The following DAG1 variants were observed in gnomAD, a reference collection of about 807,000 sequenced individuals.
DAG1 encodes the protein dystroglycan 1 (dystrophin-associated glycoprotein 1).
DAG1 carries 8 observed loss-of-function variants against 46.1 expected under a neutral mutation model. That is an observed-to-expected ratio of 0.17 (90% CI 0.10 to 0.31). DAG1 has a LOEUF of 0.31. Ranked by LOEUF, DAG1 falls within the 10% of genes least tolerant of loss-of-function variation. The probability of loss-of-function intolerance (pLI) is 1.00; values close to 1 mark genes in which losing one functional copy is unlikely to be tolerated. For missense variants in DAG1, 1,003 were observed against 1,189.9 expected, an observed-to-expected ratio of 0.84 and a Z score of 2.31; for synonymous variants, 495 against 481.8, an observed-to-expected ratio of 1.03 and a Z score of -0.36.
Position 49,533,388 on chromosome 3 carries a change from A to G in DAG1, c.*189A>G, listed in dbSNP as rs1460186887. On this transcript the variant is annotated 3_prime_UTR_variant, in exon 3 of 3. Transcript: ENST00000308775. ...CCCAAACCCCAAAGCAGCTGGAGAG[A>G]CTTTGGGGACTTTTTTATTTTTATT... 1.2e-6 allele frequency: 1 copy of G among 836,558 alleles called. No individual in the cohort carries two copies. The highest frequency in any genetic ancestry group is 1.4e-5 in the South Asian group (1 of 69,520). 51.8% of individuals were successfully genotyped at this position (836,558 alleles called of 1,614,324 possible).
intron 1 of DAG1, among the ~76,000 whole-genome samples, chr3:49,500,784 T>G (rs1263641654): frequency 6.6e-6 from 1 of 152,208 alleles, no homozygotes; most frequent in East Asian, 1.9e-4. Context: ...TCCCACAAGT[T>G]CTGGCCACCA....
chr3:49,486,260 C>T (rs1376267929), intron 1 of DAG1, among the ~76,000 whole-genome samples: 3 of 151,220 alleles, frequency 2.0e-5, no homozygotes, highest in Non-Finnish European at 4.4e-5. Context: ...GCTCTGTCGC[C>T]CAGACTGGAG....
chr3:49,486,186 TTTTATTTATTTATTTA>T (rs34143078), intron 1 of DAG1, among the ~76,000 whole-genome samples: 6,547 of 145,174 alleles, frequency 0.045, 443 homozygotes, highest in African/African-American at 0.15. Context: ...TTTCTTTTTC[TTTTATTTATTTATTTA>T]TTTATTTATT....
At chr3:49,527,381 G>A (rs975742653) in intron 2 of DAG1, among the ~76,000 whole-genome samples, 1 of 152,064 alleles carries the variant, frequency 6.6e-6, no homozygotes, top group East Asian at 1.9e-4. Flanking sequence ...AAAATTAGCC[G>A]GGCACGGTGG....
intron 1 of DAG1, among the ~76,000 whole-genome samples, chr3:49,490,109 T>A (rs534208358): frequency 1.1e-4 from 16 of 152,166 alleles, no homozygotes; most frequent in Non-Finnish European, 2.2e-4. Context: ...ATCCCAGCAC[T>A]TTGGGAGGCC....
At chr3:49,486,359 T>C (rs1423156153) in intron 1 of DAG1, among the ~76,000 whole-genome samples, 1 of 148,846 alleles carries the variant, frequency 6.7e-6, no homozygotes, top group Non-Finnish European at 1.5e-5. Context: ...GCTGGGACTA[T>C]AGGCGCATGC....
At chr3:49,473,290 C>G (rs1293696882) in intron 1 of DAG1, among the ~76,000 whole-genome samples, 1 of 151,552 alleles carries the variant, frequency 6.6e-6, no homozygotes, top group African/African-American at 2.4e-5. Flanking sequence ...TGGCGGGCGC[C>G]TGTAGTCCCA....
At chr3:49,491,934 T>C (rs1451211622) in intron 1 of DAG1, among the ~76,000 whole-genome samples, 3 of 151,148 alleles carry the variant, frequency 2.0e-5, no homozygotes, top group Admixed American at 1.3e-4. Flanking sequence ...TCTATTCTTT[T>C]TTTTTTTTTT....
chr3:49,510,919 C>T (rs1350813617), intron 2 of DAG1, 100 bp downstream of exon 2: 12 of 1,548,682 alleles, frequency 7.7e-6, no homozygotes, highest in Non-Finnish European at 9.6e-6. Context: ...CAATTCTGAG[C>T]TCAGTTCTTC....
At chr3:49,492,480 C>T (rs2050215043) in intron 1 of DAG1, among the ~76,000 whole-genome samples, 1 of 151,956 alleles carries the variant, frequency 6.6e-6, no homozygotes, top group African/African-American at 2.4e-5. Context: ...GGCCCCATCT[C>T]TACAAAAGAT....
At chr3:49,468,971 A>G (rs560246793), upstream of DAG1, 2 of 152,098 alleles carry the variant, frequency 1.3e-5, no homozygotes, top group African/African-American at 4.8e-5. Flanking sequence ...TACAGGCGGG[A>G]GCACAGCACC....
At chr3:49,509,622 C>T (rs759473525) in intron 1 of DAG1, among the ~76,000 whole-genome samples, 11 of 152,164 alleles carry the variant, frequency 7.2e-5, no homozygotes, top group Non-Finnish European at 1.3e-4. Context: ...TAAAGCAGTG[C>T]CACCCAACAG....
intron 1 of DAG1, among the ~76,000 whole-genome samples, chr3:49,471,239 C>T (rs2049509852): frequency 6.6e-6 from 1 of 152,154 alleles, no homozygotes; most frequent in Non-Finnish European, 1.5e-5. Context: ...AAGATTCTAG[C>T]CTGCTGCTTC....
intron 1 of DAG1, among the ~76,000 whole-genome samples, chr3:49,502,717 C>T (rs2050489569): frequency 6.7e-6 from 1 of 149,028 alleles, no homozygotes; most frequent in African/African-American, 2.5e-5. Context: ...CGGCTCACTA[C>T]AAGCTCCGCC....
At chr3:49,526,542 C>G (rs1456112830) in intron 2 of DAG1, among the ~76,000 whole-genome samples, 2 of 151,696 alleles carry the variant, frequency 1.3e-5, no homozygotes, top group Non-Finnish European at 2.9e-5. Flanking sequence ...AATCCCATCT[C>G]TAAAAAAAGA....
At chr3:49,485,056 G>A (rs962740195) in intron 1 of DAG1, among the ~76,000 whole-genome samples, 5 of 150,760 alleles carry the variant, frequency 3.3e-5, no homozygotes, top group African/African-American at 1.2e-4. Flanking sequence ...GCTTAATCTC[G>A]GCTCACTGCA....
At chr3:49,496,401 A>G (rs1371622000) in intron 1 of DAG1, among the ~76,000 whole-genome samples, 4 of 133,302 alleles carry the variant, frequency 3.0e-5, no homozygotes, top group African/African-American at 1.2e-4. Flanking sequence ...TCTGTCGCCC[A>G]GACTGGAGTG....
At chr3:49,520,066 T>C (rs988281880) in intron 2 of DAG1, among the ~76,000 whole-genome samples, 1 of 152,212 alleles carries the variant, frequency 6.6e-6, no homozygotes, top group Non-Finnish European at 1.5e-5. Context: ...TGATGATCCC[T>C]TGTGGGTGTG....
Position 49,533,724 on chromosome 3 carries a change from G to A in DAG1, c.*525G>A, listed in dbSNP as rs2051435218. The A allele has an allele frequency of 3.8e-6, 1 of 264,330 alleles. No homozygotes were observed. Among genetic ancestry groups the A allele is most frequent in the African/African-American group, 2.3e-5 (1 of 43,784 alleles). 16.4% of individuals were successfully genotyped at this position (264,330 alleles called of 1,614,324 possible). A position where few individuals can be genotyped will look rare whatever the true frequency, so the allele number is the denominator to read the frequency against. On this transcript the variant is annotated 3_prime_UTR_variant, in exon 3 of 3. Transcript: ENST00000308775. ...ATCTGCTGTTTACCTAAACTTGTAT[G>A]TATAATTTTTGGGTGGGTATGGGGA...
Sources: gnomAD v4.1 joint callset for allele counts (sites outside exome capture counted in the v4.1 genomes callset) on GRCh38, gnomAD v4.1.1 for gene constraint, MANE v1.5 for transcripts, NCBI Gene and HGNC (gene_info 2026-07-23, HGNC 2026-07-21) for gene names.